PLEKHG1: variants seen among roughly 807,000 people sequenced by gnomAD.
PLEKHG1 encodes pleckstrin homology and RhoGEF domain containing G1.
A neutral mutation model predicts 100.8 loss-of-function variants in PLEKHG1; 44 were observed. The observed-to-expected ratio is 0.44, with a 90% CI of 0.34 to 0.56. The LOEUF (loss-of-function observed/expected upper bound fraction) is 0.56, where lower values mean the gene tolerates loss of function less well. Among genes scored for constraint, PLEKHG1 ranks in the 20% least tolerant of loss-of-function variants. PLEKHG1 has a pLI of 0.01. For synonymous variants in PLEKHG1, 640 were observed against 662.5 expected, an observed-to-expected ratio of 0.97 and a Z score of 0.52; for missense variants, 1,545 against 1,720.9, an observed-to-expected ratio of 0.90 and a Z score of 1.81.
chr6:150,832,979 G>T (rs1357936797), intron 15 of PLEKHG1, among the ~76,000 whole-genome samples: 1 of 149,716 alleles, frequency 6.7e-6, no homozygotes, highest in Non-Finnish European at 1.5e-5. Flanking sequence ...GCCAGCCATT[G>T]TACTTTCCTT....
At chr6:150,755,731 G>A (rs1401013919) in intron 2 of PLEKHG1, among the ~76,000 whole-genome samples, 7 of 152,144 alleles carry the variant, frequency 4.6e-5, no homozygotes. Context: ...CCTTGAGGCC[G>A]ATGTGTTTCC....
chr6:150,743,967 C>T (rs1267405188), intron 2 of PLEKHG1, among the ~76,000 whole-genome samples: 3 of 152,162 alleles, frequency 2.0e-5, no homozygotes, highest in Non-Finnish European at 4.4e-5. Context: ...CCTAATAGAA[C>T]GATGCTTGGA....
intron 2 of PLEKHG1, among the ~76,000 whole-genome samples, chr6:150,757,548 G>A (rs942769619): frequency 6.7e-6 from 1 of 149,820 alleles, no homozygotes; most frequent in Non-Finnish European, 1.5e-5. Flanking sequence ...GATTGTCTGT[G>A]GTGCACACAA....
intron 12 of PLEKHG1, 126 bp downstream of exon 13, chr6:150,819,900 C>T (rs896183751): frequency 3.7e-5 from 25 of 673,030 alleles, no homozygotes; most frequent in East Asian, 5.4e-5. Flanking sequence ...AATACATTTG[C>T]GGCTGCCTTA....
At chr6:150,673,973 GTT>G (rs960344578) in intron 3 of PLEKHG1, among the ~76,000 whole-genome samples, 1 of 151,912 alleles carries the variant, frequency 6.6e-6, no homozygotes, top group Non-Finnish European at 1.5e-5. Context: ...CCTATGAACT[GTT>G]TTTTTCTAAG....
At chr6:150,701,474 CTT>C (rs1201839631) in intron 3 of PLEKHG1, among the ~76,000 whole-genome samples, 2 of 79,048 alleles carry the variant, frequency 2.5e-5, no homozygotes, top group Non-Finnish European at 5.2e-5. Context: ...TATAATTATA[CTT>C]TAAGTTCTAG....
chr6:150,669,054 T>A (rs1582916451), intron 3 of PLEKHG1, among the ~76,000 whole-genome samples: 2 of 152,336 alleles, frequency 1.3e-5, no homozygotes, highest in Admixed American at 1.3e-4. Flanking sequence ...GGCTTTTCTT[T>A]GTTTCTCCCC....
intron 1 of PLEKHG1, chr6:150,632,865 G>A (rs1432738501): frequency 4.6e-5 from 7 of 152,168 alleles, no homozygotes; most frequent in South Asian, 2.1e-4. Context: ...CTGGGGAAAC[G>A]AGCTTGAGGA....
intron 2 of PLEKHG1, among the ~76,000 whole-genome samples, chr6:150,649,210 A>T (rs1778616015): frequency 6.6e-6 from 1 of 152,208 alleles, no homozygotes; most frequent in South Asian, 2.1e-4. Flanking sequence ...GCTAATTTTC[A>T]TTATCCCCAC....
intron 2 of PLEKHG1, among the ~76,000 whole-genome samples, chr6:150,758,092 T>C (rs1213808638): frequency 6.6e-6 from 1 of 152,220 alleles, no homozygotes; most frequent in Non-Finnish European, 1.5e-5. Flanking sequence ...GATGGGCATT[T>C]GGGTTGATTC....
intron 10 of PLEKHG1, among the ~76,000 whole-genome samples, chr6:150,810,101 G>C (rs1669395218): frequency 6.6e-6 from 1 of 151,928 alleles, no homozygotes; most frequent in East Asian, 2.0e-4. Context: ...TTCGAGACCA[G>C]CCTGGGCAAC....
At chr6:150,696,326 C>A (rs9384576) in intron 3 of PLEKHG1, among the ~76,000 whole-genome samples, 61,246 of 152,044 alleles carry the variant, frequency 0.4, 12,371 homozygotes, top group Middle Eastern at 0.46. Context: ...CTGCTTCCCC[C>A]TCTCCCTGAA....
intron 3 of PLEKHG1, among the ~76,000 whole-genome samples, chr6:150,689,254 C>A (rs1780253999): frequency 6.6e-6 from 1 of 152,148 alleles, no homozygotes; most frequent in African/African-American, 2.4e-5. Flanking sequence ...TGTTCTAATT[C>A]CCTTTTATTT....
chr6:150,801,878 A>G (rs1338624289), intron 6 of PLEKHG1, among the ~76,000 whole-genome samples: 2 of 152,196 alleles, frequency 1.3e-5, no homozygotes. Flanking sequence ...GTGGTTAGAA[A>G]CAGGGCTCTG....
chr6:150,612,043 GTT>G (rs1776855821), intron 1 of PLEKHG1, among the ~76,000 whole-genome samples: 1 of 61,322 alleles, frequency 1.6e-5, no homozygotes, highest in African/African-American at 6.6e-5. Context: ...TCCTGGTGTT[GTT>G]CCCCCCCCCC....
rs527622171 is a variant in PLEKHG1, at chr6:150,836,471, C to G, written c.3095-3362C>G. On this transcript the variant is annotated intron_variant, in intron 15 of 15. Coordinates refer to ENST00000358517, the Ensembl canonical transcript of PLEKHG1. Reference sequence around the variant, plus strand: ...GAGACCACTTTCTGTCTAAACCATGCTAGGTCCTCTATAGGGAGTTGAACA... The same window carrying G: ...GAGACCACTTTCTGTCTAAACCATGGTAGGTCCTCTATAGGGAGTTGAACA... Among the ~76,000 whole-genome samples the G allele has an allele frequency of 5.3e-4, 81 of 152,264 alleles. 1 individual carries two copies. The highest frequency in any genetic ancestry group is 1.9e-3 in the African/African-American group (80 of 41,548).
intron 2 of PLEKHG1, among the ~76,000 whole-genome samples, chr6:150,643,768 C>T (rs1403495381): frequency 6.6e-6 from 1 of 152,128 alleles, no homozygotes; most frequent in East Asian, 1.9e-4. Flanking sequence ...ATAATTGAAT[C>T]AAATGATGAG....
intron 2 of PLEKHG1, among the ~76,000 whole-genome samples, chr6:150,761,361 G>T (rs533546815): frequency 6.6e-6 from 1 of 152,204 alleles, no homozygotes; most frequent in East Asian, 1.9e-4. Flanking sequence ...AGGCTGGAGT[G>T]CAGTGGTGCG....
At chr6:150,739,599 C>T (rs571843803) in intron 2 of PLEKHG1, among the ~76,000 whole-genome samples, 10 of 151,274 alleles carry the variant, frequency 6.6e-5, no homozygotes, top group Admixed American at 4.0e-4. Context: ...ACCTAGGAGG[C>T]GGAGGTTGCA....
Sources: gnomAD v4.1 joint callset for allele counts (sites outside exome capture counted in the v4.1 genomes callset) on GRCh38, gnomAD v4.1.1 for gene constraint, MANE v1.5 for transcripts, NCBI Gene and HGNC (gene_info 2026-07-23, HGNC 2026-07-21) for gene names.